The following GRIK4 variants were observed in gnomAD, a reference collection of about 807,000 sequenced individuals.
GRIK4 encodes glutamate ionotropic receptor kainate type subunit 4.
A neutral mutation model predicts 104.9 loss-of-function variants in GRIK4; 40 were observed. The ratio of observed to expected loss-of-function variants is 0.38; its 90% confidence interval spans 0.30 to 0.50. The LOEUF is 0.50. Among genes scored for constraint, GRIK4 ranks in the 20% least tolerant of loss-of-function variants. The pLI is 0.93. For missense variants in GRIK4, 1,047 were observed against 1,308.1 expected, an observed-to-expected ratio of 0.80 and a Z score of 3.08; for synonymous variants, 485 against 524.9, an observed-to-expected ratio of 0.92 and a Z score of 1.04.
At chr11:120,702,367 C>T (rs1591817948) in intron 3 of GRIK4, among the ~76,000 whole-genome samples, 1 of 152,072 alleles carries the variant, frequency 6.6e-6, no homozygotes, top group Admixed American at 6.6e-5. Flanking sequence ...TCTTGGTATG[C>T]CAAATGTGAG....
intron 3 of GRIK4, among the ~76,000 whole-genome samples, chr11:120,670,698 CT>C (rs61468867): frequency 0.17 from 25,431 of 151,328 alleles, 2,367 homozygotes; most frequent in South Asian, 0.23. Context: ...CTTCCTTTTT[CT>C]TTTTTTTATT....
intron 3 of GRIK4, among the ~76,000 whole-genome samples, chr11:120,731,065 T>C (rs1284528258): frequency 2.0e-5 from 3 of 152,160 alleles, no homozygotes; most frequent in Non-Finnish European, 1.5e-5. Context: ...TTCTTTCTCT[T>C]GTCTGATTGC....
intron 1 of GRIK4, among the ~76,000 whole-genome samples, chr11:120,580,062 T>A (rs183888276): frequency 3.4e-3 from 511 of 152,346 alleles, no homozygotes; most frequent in African/African-American, 0.011. Flanking sequence ...AGTTCATTCC[T>A]TTTTATTGCT....
chr11:120,578,054 G>T (rs1384331540), intron 1 of GRIK4, among the ~76,000 whole-genome samples: 1 of 152,204 alleles, frequency 6.6e-6, no homozygotes, highest in Non-Finnish European at 1.5e-5. Flanking sequence ...TGGCAATTGT[G>T]TGTCTGTGTG....
At chr11:120,744,545 C>T (rs925615972) in intron 3 of GRIK4, among the ~76,000 whole-genome samples, 8 of 152,146 alleles carry the variant, frequency 5.3e-5, no homozygotes, top group African/African-American at 1.9e-4. Context: ...AGGGGGCAGT[C>T]GTGGTGTCCC....
chr11:120,986,485 G>A lies in GRIK4; in HGVS notation c.*225G>A. On this transcript the variant is annotated 3_prime_UTR_variant, in exon 21 of 21. Transcript: ENST00000527524. ...GAAACGTTGCACCCAAAGGGCAAAG[G>A]ACGGCCCTCCCTCCTGGGCACAAGG... 1 of 565,148 alleles carries A rather than the reference G, an allele frequency of 1.8e-6. No homozygotes were observed. Among genetic ancestry groups the A allele is most frequent in the South Asian group, 2.4e-5 (1 of 41,376 alleles). The allele number at this position is 565,148 out of a possible 1,614,324, so 35.0% of individuals were successfully genotyped here. A position where few individuals can be genotyped will look rare whatever the true frequency, so the allele number is the denominator to read the frequency against.
chr11:120,560,061 T>C (rs531925714), intron 1 of GRIK4, among the ~76,000 whole-genome samples: 21 of 152,176 alleles, frequency 1.4e-4, no homozygotes, highest in African/African-American at 5.1e-4. Flanking sequence ...CAAGCAGATT[T>C]TTTTTTTTGA....
intron 3 of GRIK4, among the ~76,000 whole-genome samples, chr11:120,695,363 C>T (rs1031912740): frequency 2.0e-5 from 3 of 152,324 alleles, no homozygotes; most frequent in Non-Finnish European, 4.4e-5. Flanking sequence ...AGGTGGCTGC[C>T]ATGTCCTACC....
rs76006513 is a variant in GRIK4 at position 120,520,699 on chromosome 11, G to A, written c.-159+8812G>A. ...GCCTGGCTGCCCCAGGTTAATAGCC[G>A]AGGATTAGAAGGAGTGGAATCTGAC... On this transcript the variant is annotated intron_variant, in intron 1 of 20. Transcript: ENST00000527524. 7.0e-3 allele frequency among the ~76,000 whole-genome samples: 1,060 copies of A among 152,324 alleles called. 37 individuals carry two copies. In the South Asian group the frequency reaches 0.11, roughly 15 times the overall value.
At chr11:120,873,963 C>G in intron 9 of GRIK4, 103 bp from the exon 10 acceptor site, 1 of 1,074,860 alleles carries the variant, frequency 9.3e-7, no homozygotes, top group Non-Finnish European at 1.3e-6. Flanking sequence ...CTTTCTTTTG[C>G]TTTCTCTTTT....
chr11:120,648,019 T>C (rs1949565729), intron 1 of GRIK4, among the ~76,000 whole-genome samples: 1 of 152,096 alleles, frequency 6.6e-6, no homozygotes, highest in African/African-American at 2.4e-5. Context: ...ACAGCCTTTT[T>C]CCCTCTTCTG....
intron 19 of GRIK4, 122 bp from the exon 20 acceptor site, chr11:120,981,984 G>A: frequency 1.4e-6 from 1 of 715,878 alleles, no homozygotes; most frequent in East Asian, 2.5e-5. Context: ...AGATGCATGG[G>A]TGTCTACTTG....
rs1013237078 is a variant in GRIK4 at position 120,648,190 on chromosome 11, C to T, written c.-158-5495C>T. Among the ~76,000 whole-genome samples the T allele has an allele frequency of 3.3e-5, 5 of 152,306 alleles. No homozygotes were observed. The East Asian group carries it at 9.6e-4, about 29-fold the overall frequency. ...GGGGGCTGAGCCTTCAGCCTCTGGACTTCTAAACCAGGGGCCGGAGACTAG... is the reference window on the plus strand; with the variant it reads ...GGGGGCTGAGCCTTCAGCCTCTGGATTTCTAAACCAGGGGCCGGAGACTAG... On this transcript the variant is annotated intron_variant, in intron 1 of 20. Coordinates refer to ENST00000527524, the MANE Select transcript of GRIK4 (RefSeq NM_014619.5).
At chr11:120,714,003 A>T (rs1950784304) in intron 3 of GRIK4, among the ~76,000 whole-genome samples, 1 of 152,170 alleles carries the variant, frequency 6.6e-6, no homozygotes, top group Non-Finnish European at 1.5e-5. Context: ...AGCATTATTC[A>T]CAGGATTTCA....
intron 18 of GRIK4, 58 bp downstream of exon 18, chr11:120,962,739 C>A: frequency 8.9e-7 from 1 of 1,129,244 alleles, no homozygotes. Context: ...GTCAGGGTAG[C>A]TCAAACCACT....
chr11:120,751,858 C>G (rs1298104482), intron 3 of GRIK4, among the ~76,000 whole-genome samples: 2 of 152,142 alleles, frequency 1.3e-5, no homozygotes, highest in Non-Finnish European at 2.9e-5. Context: ...GAAGCTTCTC[C>G]CGGTGAAGGT....
chr11:120,961,349 T>TA (rs1301539082), intron 17 of GRIK4, among the ~76,000 whole-genome samples: 1 of 152,190 alleles, frequency 6.6e-6, no homozygotes, highest in Non-Finnish European at 1.5e-5. Flanking sequence ...TTAGTTGCCA[T>TA]AGTTTCATGT....
chr11:120,674,027 G>A (rs1306614484), intron 3 of GRIK4, among the ~76,000 whole-genome samples: 1 of 152,156 alleles, frequency 6.6e-6, no homozygotes, highest in East Asian at 1.9e-4. Context: ...CAGGCCTGGT[G>A]CTCTTCCCTG....
chr11:120,795,867 G>A (rs576035845), intron 3 of GRIK4, among the ~76,000 whole-genome samples: 7 of 152,154 alleles, frequency 4.6e-5, no homozygotes, highest in South Asian at 2.1e-4. Flanking sequence ...TGTAAAATGC[G>A]TAGTATTTGC....
Sources: gnomAD v4.1 joint callset for allele counts (sites outside exome capture counted in the v4.1 genomes callset) on GRCh38, gnomAD v4.1.1 for gene constraint, MANE v1.5 for transcripts, NCBI Gene and HGNC (gene_info 2026-07-23, HGNC 2026-07-21) for gene names.